TAF1B: variants seen among roughly 807,000 people sequenced by gnomAD.
The protein encoded by TAF1B is TATA-box binding protein associated factor, RNA polymerase I subunit B, also known as TATA box-binding protein-associated factor RNA polymerase I subunit B.
In TAF1B, 61 loss-of-function variants were observed where a neutral mutation model predicts 83.9. That is an observed-to-expected ratio of 0.73 (90% CI 0.59 to 0.90). The LOEUF (loss-of-function observed/expected upper bound fraction) is 0.90, where lower values mean the gene tolerates loss of function less well. TAF1B is among the 40% of genes least tolerant of loss of function. The pLI is 0.00. For missense variants in TAF1B, 625 were observed against 677.0 expected (o/e 0.92, Z 0.85); for synonymous variants, 221 against 224.6 (o/e 0.98, Z 0.14).
In TAF1B at chr2:9,903,171, C is replaced by T. The variant is rs187721069; in HGVS notation, c.808-1688C>T. Among the ~76,000 whole-genome samples, 308 of 152,158 alleles carry T rather than the reference C, an allele frequency of 2.0e-3. 1 individual carries two copies. The highest frequency in any genetic ancestry group is 3.6e-3 in the Non-Finnish European group (246 of 68,000). On this transcript the variant is annotated intron_variant, in intron 8 of 14. Coordinates refer to ENST00000263663, the MANE Select transcript of TAF1B (RefSeq NM_005680.3). ...CGCAGTCTCGGCTCACTGTAAGCTC[C>T]GCCTCCTGGGTTCACGCCATTCTCC...
intron 7 of TAF1B, 116 bp downstream of exon 7, chr2:9,876,134 A>G: frequency 9.8e-7 from 1 of 1,021,446 alleles, no homozygotes; most frequent in African/African-American, 1.6e-5. Flanking sequence ...GGAACTGGAA[A>G]GGTTGAGTAG....
At position 9,904,263 on chromosome 2, in the gene TAF1B, T is replaced by G. The variant is rs1038815685; in HGVS notation, c.808-596T>G. Among the ~76,000 whole-genome samples the G allele has an allele frequency of 3.3e-5, 5 of 152,298 alleles. No homozygotes were observed. In the East Asian group the frequency reaches 9.6e-4, roughly 29 times the overall value. On this transcript the variant is annotated intron_variant, in intron 8 of 14. Transcript: ENST00000263663. ...AAAGGTAGTTTTTTGATCCTCACCC[T>G]CCACCCTCAAGTAGGCCCTTGTGTC...
intron 9 of TAF1B, among the ~76,000 whole-genome samples, chr2:9,908,863 CCTGTAGCATA>C (rs1225167081): frequency 1.3e-5 from 2 of 152,300 alleles, no homozygotes; most frequent in East Asian, 3.9e-4. Context: ...TTTGTCATAG[CCTGTAGCATA>C]CTGCATTCTC....
intron 7 of TAF1B, among the ~76,000 whole-genome samples, chr2:9,880,289 ACT>A (rs1415001342): frequency 6.6e-6 from 1 of 151,934 alleles, no homozygotes; most frequent in African/African-American, 2.4e-5. Flanking sequence ...ACATGGCTAA[ACT>A]CTGTTGGTCA....
intron 9 of TAF1B, among the ~76,000 whole-genome samples, chr2:9,906,677 A>G (rs1446361848): frequency 2.0e-5 from 3 of 152,236 alleles, no homozygotes; most frequent in African/African-American, 7.2e-5. Context: ...GCCAAATTAC[A>G]AAATTATGTA....
At chr2:9,916,844 T>TTTTTTTTTTTTTTTTTTG (rs1665695575) in intron 12 of TAF1B, among the ~76,000 whole-genome samples, 1 of 143,266 alleles carries the variant, frequency 7.0e-6, no homozygotes, top group Non-Finnish European at 1.6e-5. Flanking sequence ...GTTCTTTTTT[T>TTTTTTTTTTTTTTTTTTG]TTTTTTTTTT....
At chr2:9,852,187 C>G (rs934594914) in intron 4 of TAF1B, 1 of 315,456 alleles carries the variant, frequency 3.2e-6, no homozygotes, top group African/African-American at 2.2e-5. Flanking sequence ...GGAGTAGAGC[C>G]CAAGAATGTG....
chr2:9,883,351 T>G (rs1302619497), intron 8 of TAF1B, among the ~76,000 whole-genome samples: 1 of 152,034 alleles, frequency 6.6e-6, no homozygotes, highest in East Asian at 1.9e-4. Flanking sequence ...TCATCAGAAG[T>G]TTTTTTTGAT....
At chr2:9,895,811 C>A (rs1664999946) in intron 8 of TAF1B, among the ~76,000 whole-genome samples, 1 of 106,306 alleles carries the variant, frequency 9.4e-6, no homozygotes. Context: ...AGGCACTGCA[C>A]TCTTTTTTTT....
chr2:9,905,045 G>C, intron 9 of TAF1B, 39 bp downstream of exon 9: 1 of 1,556,784 alleles, frequency 6.4e-7, no homozygotes. Flanking sequence ...ACTTTAACTA[G>C]TAGAGTAATA....
intron 12 of TAF1B, chr2:9,913,653 T>C (rs1198360547): frequency 1.3e-5 from 2 of 154,210 alleles, no homozygotes; most frequent in African/African-American, 4.8e-5. Context: ...TTGCAACATA[T>C]GTAATTGGAA....
At chr2:9,886,332 A>G (rs1664673425) in intron 8 of TAF1B, among the ~76,000 whole-genome samples, 1 of 152,204 alleles carries the variant, frequency 6.6e-6, no homozygotes, top group Admixed American at 6.5e-5. Context: ...CTTCTGAGCT[A>G]TACTCGCTCC....
chr2:9,872,225 C>G (rs1166796554), intron 6 of TAF1B, among the ~76,000 whole-genome samples: 1 of 151,676 alleles, frequency 6.6e-6, no homozygotes, highest in Non-Finnish European at 1.5e-5. Flanking sequence ...ACTCAGGAGG[C>G]TGAGGCAGGA....
At chr2:9,875,786 T>C (rs932365306) in intron 6 of TAF1B, 79 bp from the exon 7 acceptor site, 1 of 1,427,980 alleles carries the variant, frequency 7.0e-7, no homozygotes. Context: ...TTAAAATGCC[T>C]GTTTAGATTT....
chr2:9,924,229 A>G (rs74338547), intron 14 of TAF1B, among the ~76,000 whole-genome samples: 1,761 of 152,280 alleles, frequency 0.012, 36 homozygotes, highest in African/African-American at 0.04. Context: ...GCTGGGCAGT[A>G]AAAATGCCAC....
intron 5 of TAF1B, among the ~76,000 whole-genome samples, chr2:9,863,165 A>C (rs1346283888): frequency 1.3e-5 from 2 of 152,216 alleles, no homozygotes; most frequent in Non-Finnish European, 2.9e-5. Flanking sequence ...TTGGATAAAG[A>C]GTCAAGACCC....
intron 8 of TAF1B, among the ~76,000 whole-genome samples, chr2:9,888,907 G>A (rs187372151): frequency 2.0e-5 from 3 of 148,486 alleles, no homozygotes; most frequent in South Asian, 2.2e-4. Context: ...GGGTTCAAGC[G>A]ATTCTCTTGC....
chr2:9,861,109 C>T (rs949392101), intron 5 of TAF1B, among the ~76,000 whole-genome samples: 7 of 152,178 alleles, frequency 4.6e-5, no homozygotes, highest in Admixed American at 1.3e-4. Context: ...TGCAGGACAG[C>T]GGGTGCAGCA....
At chr2:9,868,645 TTG>T in intron 6 of TAF1B, 1 of 717,690 alleles carries the variant, frequency 1.4e-6, no homozygotes, top group East Asian at 3.0e-5. Flanking sequence ...TGTGAGTTTT[TTG>T]TGTGTGATTT....
Sources: allele counts gnomAD v4.1 joint callset (sites outside exome capture counted in the v4.1 genomes callset), GRCh38; gene constraint gnomAD v4.1.1; transcripts MANE v1.5; gene names NCBI Gene and HGNC (gene_info 2026-07-23, HGNC 2026-07-21).